Variants in RYR2 observed in about 807,000 individuals in gnomAD.
RYR2 encodes ryanodine receptor 2.
RYR2 carries 227 observed loss-of-function variants against 601.1 expected under a neutral mutation model. The observed-to-expected ratio is 0.38, with a 90% CI of 0.34 to 0.42. The LOEUF (loss-of-function observed/expected upper bound fraction) is 0.42. RYR2 is among the 10% of genes least tolerant of loss of function. The probability of loss-of-function intolerance (pLI) is 1.00; values close to 1 mark genes in which losing one functional copy is unlikely to be tolerated. For missense variants in RYR2, 4,646 were observed against 6,156.5 expected (o/e 0.75, Z 8.21); for synonymous variants, 2,223 against 2,175.1 (o/e 1.02, Z -0.61).
intron 21 of RYR2, among the ~76,000 whole-genome samples, chr1:237,501,806 TTTTC>T (rs1298224427): frequency 6.6e-6 from 1 of 152,218 alleles, no homozygotes. Context: ...TTTTCTTTGC[TTTTC>T]TTTATTTTTT....
At chr1:237,379,807 T>G (rs766845002) in intron 8 of RYR2, among the ~76,000 whole-genome samples, 2 of 152,116 alleles carry the variant, frequency 1.3e-5, no homozygotes, top group Non-Finnish European at 2.9e-5. Flanking sequence ...CAATTATTTA[T>G]GTTCTCTTTC....
At chr1:237,688,662 C>T (rs1347239181) in intron 63 of RYR2, among the ~76,000 whole-genome samples, 2 of 152,056 alleles carry the variant, frequency 1.3e-5, no homozygotes, top group Non-Finnish European at 2.9e-5. Flanking sequence ...TTCTAGTTCA[C>T]TGACTTTTGT....
At chr1:237,672,345 A>G (rs1166577371) in intron 58 of RYR2, among the ~76,000 whole-genome samples, 1 of 152,188 alleles carries the variant, frequency 6.6e-6, no homozygotes, top group Non-Finnish European at 1.5e-5. Context: ...ACTGATTACA[A>G]ATTAAGTTGC....
rs144409478 is a variant in RYR2 at position 237,813,568 on chromosome 1, G to A, written c.14433+4533G>A. Among the ~76,000 whole-genome samples, 479 of 152,250 alleles carry A rather than the reference G, an allele frequency of 3.1e-3. 5 individuals carry two copies. The highest frequency in any genetic ancestry group is 0.011 in the African/African-American group (457 of 41,550). On this transcript the variant is annotated intron_variant, in intron 100 of 104. Coordinates refer to ENST00000366574, the MANE Select transcript of RYR2 (RefSeq NM_001035.3). ...TAGGATCCTTAAACGACTACATTTTGAACCTCACTCTCAGTATGCATTTCC... is the reference window on the plus strand; with the variant it reads ...TAGGATCCTTAAACGACTACATTTTAAACCTCACTCTCAGTATGCATTTCC...
intron 1 of RYR2, among the ~76,000 whole-genome samples, chr1:237,251,058 G>GTGTGTGTA (rs1553364922): frequency 7.2e-6 from 1 of 139,706 alleles, no homozygotes; most frequent in Non-Finnish European, 1.6e-5. Flanking sequence ...GTGTGTGTGT[G>GTGTGTGTA]TGTGTATGCA....
chr1:237,180,630 G>T lies in RYR2; in HGVS notation c.49-89867G>T. On this transcript the variant is annotated intron_variant, in intron 1 of 104. Coordinates refer to ENST00000366574, the MANE Select transcript of RYR2 (RefSeq NM_001035.3). The surrounding 1 kb of genome is among the most constrained non-coding windows in gnomAD (Gnocchi z 5.3). The stretch of plus-strand genomic sequence containing the variant: ...TATGTATATATGTATATATGTATAT[G>T]TGTATATATGTATATGTATATGTGT... Among the ~76,000 whole-genome samples, 1 of 91,354 alleles carries T rather than the reference G, an allele frequency of 1.1e-5. No homozygotes were observed. The highest frequency in any genetic ancestry group is 1.1e-4 in the Admixed American group (1 of 9,368). 59.9% of individuals were successfully genotyped at this position (91,354 alleles called of 152,430 possible). A position where few individuals can be genotyped will look rare whatever the true frequency, so the allele number is the denominator to read the frequency against.
intron 1 of RYR2, among the ~76,000 whole-genome samples, chr1:237,063,604 A>ACT (rs113420369): frequency 1.3e-4 from 20 of 148,696 alleles, no homozygotes; most frequent in Middle Eastern, 3.4e-3. Context: ...ACACATACAC[A>ACT]CTCTCTCTCT....
At chr1:237,486,006 G>C (rs2927936) in intron 17 of RYR2, among the ~76,000 whole-genome samples, 42,356 of 151,970 alleles carry the variant, frequency 0.28, 5,985 homozygotes, top group South Asian at 0.41. Context: ...AGGCTATTCA[G>C]TGAAAGGAGA....
intron 78 of RYR2, among the ~76,000 whole-genome samples, chr1:237,733,266 A>G (rs903273502): frequency 2.0e-4 from 31 of 152,094 alleles, no homozygotes; most frequent in Non-Finnish European, 3.7e-4. Context: ...ACCTTTCTTA[A>G]TTTTTAGGGA....
chr1:237,170,743 T>C (rs766504676), intron 1 of RYR2, among the ~76,000 whole-genome samples: 83 of 152,124 alleles, frequency 5.5e-4, no homozygotes, highest in Non-Finnish European at 6.8e-4. Context: ...TACTCAGCTA[T>C]TGTGTTGTGG....
rs1004421120 is a variant in RYR2, at chr1:237,610,728, A to G, written c.4684-34A>G. 1.5e-5 allele frequency: 23 copies of G among 1,519,722 alleles called. No individual in the cohort carries two copies. The highest frequency in any genetic ancestry group is 1.8e-5 in the Non-Finnish European group (20 of 1,118,056). The allele number at this position is 1,519,722 out of a possible 1,614,324, so 94.1% of individuals were successfully genotyped here. ...CTTTGTGAACCCCAAGGGATGTTCT[A>G]CATTTATTCTTTTTCTGCCTCCCCA... is the stretch of plus-strand genomic sequence containing the variant. On this transcript the variant is annotated intron_variant, in intron 35 of 104. Coordinates refer to ENST00000366574, the MANE Select transcript of RYR2 (RefSeq NM_001035.3). This position sits in a 1 kb window ranked among gnomAD's most constrained non-coding sequence, Gnocchi z 4.9.
At chr1:237,331,314 G>A (rs1270323331) in intron 3 of RYR2, among the ~76,000 whole-genome samples, 1 of 152,076 alleles carries the variant, frequency 6.6e-6, no homozygotes, top group Non-Finnish European at 1.5e-5. Context: ...CTTTATGCAT[G>A]GCTATTTGTC....
chr1:237,166,727 T>C (rs968519497), intron 1 of RYR2, among the ~76,000 whole-genome samples: 9 of 152,244 alleles, frequency 5.9e-5, no homozygotes, highest in African/African-American at 2.2e-4. Flanking sequence ...GCATTTGCAA[T>C]TCTAGTGACA....
At chr1:237,294,790 A>C (rs976925749) in intron 2 of RYR2, among the ~76,000 whole-genome samples, 2 of 152,128 alleles carry the variant, frequency 1.3e-5, no homozygotes, top group Non-Finnish European at 2.9e-5. Flanking sequence ...GGTATTGGGG[A>C]TTGCAGGAAG....
chr1:237,623,944 G>T (rs191289284), intron 39 of RYR2, 74 bp downstream of exon 39: 4 of 936,286 alleles, frequency 4.3e-6, no homozygotes, highest in Non-Finnish European at 6.9e-6. Flanking sequence ...GAAATTAAGT[G>T]TATATGCGAA....
At chr1:237,706,079 T>C (rs552430988) in intron 67 of RYR2, among the ~76,000 whole-genome samples, 1 of 152,218 alleles carries the variant, frequency 6.6e-6, no homozygotes, top group East Asian at 1.9e-4. Flanking sequence ...TGAAACCCCG[T>C]CTGTGCTAAA....
In RYR2 at chr1:237,783,822, C is replaced by A. The variant is rs1445865926; in HGVS notation, c.12110C>A (p.Pro4037His). ...TSSDTFKEYD[P>H]DGKGVISKRD... Reference sequence around the variant, plus strand: ...TCTGATACTTTTAAAGAATATGACCCCGATGGCAAGGGAGTCATTTCCAAG... The same window carrying A: ...TCTGATACTTTTAAAGAATATGACCACGATGGCAAGGGAGTCATTTCCAAG... The change falls in exon 90 of 105, where the codon CCC becomes CAC. Residue 4037 changes from proline to histidine, a missense_variant. Pro to His is a moderately conservative substitution (Grantham distance 77, BLOSUM62 -2). Around this residue, in one of 17 missense-constraint regions of RYR2, gnomAD observed 66 missense variants for 80.7 expected, o/e 0.82. Transcript: ENST00000366574. 1 of 1,613,768 alleles carries A rather than the reference C, an allele frequency of 6.2e-7. No individual in the cohort carries two copies. Among genetic ancestry groups the A allele is most frequent in the Admixed American group, 1.7e-5 (1 of 59,984 alleles).
chr1:237,803,268 C>G (rs1381465780), intron 98 of RYR2, among the ~76,000 whole-genome samples: 1 of 151,986 alleles, frequency 6.6e-6, no homozygotes, highest in African/African-American at 2.4e-5. Context: ...CGTTACTCAT[C>G]TTATGCCCAT....
chr1:237,573,248 AC>A (rs1198137497), intron 29 of RYR2, among the ~76,000 whole-genome samples: 117 of 151,736 alleles, frequency 7.7e-4, no homozygotes, highest in Admixed American at 1.4e-3. Flanking sequence ...ACACACACAC[AC>A]ACACACACGC....
Sources: allele counts gnomAD v4.1 joint callset (sites outside exome capture counted in the v4.1 genomes callset), GRCh38; gene constraint gnomAD v4.1.1; regional missense constraint gnomAD v4.1.1; non-coding constraint Gnocchi (gnomAD v3.1); transcripts MANE v1.5; gene names NCBI Gene and HGNC (gene_info 2026-07-23, HGNC 2026-07-21).